Variants in HDGFL3 observed in about 807,000 individuals in gnomAD.
The protein encoded by HDGFL3 is hepatoma-derived growth factor-related protein 3.
In HDGFL3, 6 loss-of-function variants were observed where a neutral mutation model predicts 27.6. The observed-to-expected ratio is 0.22, with a 90% CI of 0.12 to 0.43. HDGFL3 has a LOEUF of 0.43. Among genes scored for constraint, HDGFL3 ranks in the 20% least tolerant of loss-of-function variants. The pLI is 1.00. For missense variants in HDGFL3, 207 were observed against 250.1 expected, an observed-to-expected ratio of 0.83 and a Z score of 1.16; for synonymous variants, 88 against 88.9, an observed-to-expected ratio of 0.99 and a Z score of 0.05.
chr15:83,134,779 G>A lies in HDGFL3; in HGVS notation c.*4491C>T, dbSNP rs946783420. 1 of 152,226 alleles carries A rather than the reference G, an allele frequency of 6.6e-6. No individual in the cohort carries two copies. The highest frequency in any genetic ancestry group is 2.4e-5 in the African/African-American group (1 of 41,456). The allele number at this position is 152,226 out of a possible 1,614,324, so 9.4% of individuals were successfully genotyped here. A position where few individuals can be genotyped will look rare whatever the true frequency, so the allele number is the denominator to read the frequency against. The stretch of plus-strand genomic sequence containing the variant: ...GATTTCTGAGAACCAGGGATCAAAT[G>A]TGGCTTCCAGTCCAGAGAAAATGCT... On this transcript the variant is annotated 3_prime_UTR_variant, in exon 6 of 6. Transcript: ENST00000299633.
intron 1 of HDGFL3, chr15:83,179,376 T>C (rs1021072344): frequency 5.3e-5 from 8 of 152,092 alleles, no homozygotes; most frequent in Non-Finnish European, 1.2e-4. Flanking sequence ...AAATAGGAGG[T>C]GATTAAAACA....
At chr15:83,119,672 T>C (rs768470623) in intron 3 of HDGFL3, 5 of 1,614,138 alleles carry the variant, frequency 3.1e-6, no homozygotes, top group Non-Finnish European at 3.4e-6. Context: ...GTGGCAGCCA[T>C]AGCATGGGAG....
At chr15:83,181,115 C>T (rs1392243932) in intron 1 of HDGFL3, 1 of 152,076 alleles carries the variant, frequency 6.6e-6, no homozygotes, top group African/African-American at 2.4e-5. Flanking sequence ...TTTTTTCACC[C>T]AATAAAACCC....
chr15:83,157,664 G>C (rs1394000279), intron 3 of HDGFL3, 91 bp from the exon 4 acceptor site: 1 of 1,268,484 alleles, frequency 7.9e-7, no homozygotes, highest in Non-Finnish European at 1.1e-6. Flanking sequence ...TCATTTGAAA[G>C]GGTTCCGCTT....
chr15:83,117,334 C>G (rs1406519185), intron 3 of HDGFL3, among the ~76,000 whole-genome samples: 1 of 152,048 alleles, frequency 6.6e-6, no homozygotes. Context: ...AGGTCTTGAG[C>G]TCTGAGGAGC....
intron 4 of HDGFL3, among the ~76,000 whole-genome samples, chr15:83,154,585 TA>T (rs2037005606): frequency 6.6e-6 from 1 of 152,136 alleles, no homozygotes; most frequent in Admixed American, 6.5e-5. Flanking sequence ...CAACCAAACC[TA>T]AAATGTCATG....
chr15:83,180,711 T>C (rs1456403333), intron 1 of HDGFL3: 1 of 147,820 alleles, frequency 6.8e-6, no homozygotes, highest in East Asian at 2.0e-4. Context: ...AGTGGCATGA[T>C]GTCGGCTCAC....
chr15:83,180,512 A>C (rs1467256640), intron 1 of HDGFL3, among the ~76,000 whole-genome samples: 3 of 152,178 alleles, frequency 2.0e-5, no homozygotes, highest in African/African-American at 7.2e-5. Flanking sequence ...GAAGTCTGCA[A>C]ATCAGTCAAC....
intron 1 of HDGFL3, among the ~76,000 whole-genome samples, chr15:83,201,532 C>T (rs912474538): frequency 2.0e-5 from 3 of 152,090 alleles, no homozygotes; most frequent in Admixed American, 2.0e-4. Flanking sequence ...TCGGGCTAGT[C>T]TCCTACTATA....
rs1026510336 is a variant in HDGFL3, at chr15:83,129,167, AT to A, written c.*10102del. Reference sequence around the variant, plus strand: ...TTTTACTCCAGTGATTCTCCAACCCATTTTTTTTTTCCAGCTCCGCTGCCCC... The same window carrying A: ...TTTTACTCCAGTGATTCTCCAACCCATTTTTTTTTCCAGCTCCGCTGCCCC... On this transcript the variant is annotated 3_prime_UTR_variant, in exon 6 of 6. Coordinates refer to ENST00000299633, the MANE Select transcript of HDGFL3 (RefSeq NM_016073.4). 7 of 147,420 alleles carry A rather than the reference AT, an allele frequency of 4.7e-5. No homozygotes were observed. Among genetic ancestry groups the A allele is most frequent in the South Asian group, 2.2e-4 (1 of 4,622 alleles). 9.1% of individuals were successfully genotyped at this position (147,420 alleles called of 1,614,324 possible). A position where few individuals can be genotyped will look rare whatever the true frequency, so the allele number is the denominator to read the frequency against.
chr15:83,200,101 T>C (rs1158942902), intron 1 of HDGFL3, among the ~76,000 whole-genome samples: 1 of 149,418 alleles, frequency 6.7e-6, no homozygotes, highest in Non-Finnish European at 1.5e-5. Context: ...CCCAGCACTT[T>C]GAGAGGCCGA....
intron 3 of HDGFL3, among the ~76,000 whole-genome samples, chr15:83,121,110 AC>A (rs1167396137): frequency 6.6e-6 from 1 of 151,636 alleles, no homozygotes; most frequent in Non-Finnish European, 1.5e-5. Flanking sequence ...TCGCTCTGTC[AC>A]CCAGGCTGGA....
chr15:83,179,020 T>C (rs2037348435), intron 1 of HDGFL3, among the ~76,000 whole-genome samples: 1 of 152,134 alleles, frequency 6.6e-6, no homozygotes, highest in African/African-American at 2.4e-5. Context: ...ACCCTCCTTA[T>C]CAAACAGAAC....
chr15:83,202,504 G>C (rs2037660177), intron 1 of HDGFL3, among the ~76,000 whole-genome samples: 1 of 151,928 alleles, frequency 6.6e-6, no homozygotes, highest in South Asian at 2.1e-4. Flanking sequence ...TCTATAATAA[G>C]TCAAAAGGGA....
chr15:83,207,573 G>C lies in HDGFL3; in HGVS notation c.-159C>G. 1 of 427,418 alleles carries C rather than the reference G, an allele frequency of 2.3e-6. No individual in the cohort carries two copies. Among genetic ancestry groups the C allele is most frequent in the Non-Finnish European group, 3.8e-6 (1 of 263,800 alleles). 26.5% of individuals were successfully genotyped at this position (427,418 alleles called of 1,614,324 possible). On this transcript the variant is annotated 5_prime_UTR_variant, in exon 1 of 6. Coordinates refer to ENST00000299633, the MANE Select transcript of HDGFL3 (RefSeq NM_016073.4). The surrounding 1 kb of genome is among the most constrained non-coding windows in gnomAD (Gnocchi z 4.8). ...GGGAAGCGGCGAGGCGGCGGCTGAG[G>C]CAAGGGGTGGGCGGGGGGCGCAGCA...
chr15:83,151,239 T>C lies in HDGFL3; in HGVS notation c.582A>G (p.Ser194=). ...CCCCTTCACTGGTTTTCTGCAAGTC[T>C]GAAGTTGTGTTTCTTGTGTCGTTGC... ...DAGNDTRNTT[S]DLQKTSEGT The change falls in exon 5 of 6, where the codon TCA becomes TCG. Residue 194 remains serine (S), a synonymous_variant. Coordinates refer to ENST00000299633, the MANE Select transcript of HDGFL3 (RefSeq NM_016073.4). 6.2e-7 allele frequency: 1 copy of C among 1,612,952 alleles called. No homozygotes were observed. Among genetic ancestry groups the C allele is most frequent in the Non-Finnish European group, 8.5e-7 (1 of 1,179,800 alleles).
intron 2 of HDGFL3, among the ~76,000 whole-genome samples, chr15:83,160,168 G>A (rs2037081358): frequency 6.6e-6 from 1 of 152,086 alleles, no homozygotes; most frequent in Non-Finnish European, 1.5e-5. Context: ...AGAAAGGGTA[G>A]AGGAGTTGAG....
chr15:83,137,247 A>G lies in HDGFL3; in HGVS notation c.*2023T>C, dbSNP rs2036666815. ...TTTGTGTGAATTTAAACAGCTAAATAGGGATCAGTAACTTTATCTCTATCC... is the reference window on the plus strand; with the variant it reads ...TTTGTGTGAATTTAAACAGCTAAATGGGGATCAGTAACTTTATCTCTATCC... On this transcript the variant is annotated 3_prime_UTR_variant, in exon 6 of 6. Coordinates refer to ENST00000299633, the MANE Select transcript of HDGFL3 (RefSeq NM_016073.4). The G allele has an allele frequency of 6.6e-6, 1 of 152,212 alleles. No individual in the cohort carries two copies. Among genetic ancestry groups the G allele is most frequent in the Non-Finnish European group, 1.5e-5 (1 of 68,004 alleles). The allele number at this position is 152,212 out of a possible 1,614,324, so 9.4% of individuals were successfully genotyped here.
intron 1 of HDGFL3, among the ~76,000 whole-genome samples, chr15:83,174,362 A>C (rs7165114): frequency 0.25 from 38,184 of 151,990 alleles, 5,151 homozygotes; most frequent in African/African-American, 0.35. Flanking sequence ...AAATTTAGTT[A>C]TCTAAATCAA....
Sources: gnomAD v4.1 joint callset for allele counts (sites outside exome capture counted in the v4.1 genomes callset) on GRCh38, gnomAD v4.1.1 for gene constraint, Gnocchi (gnomAD v3.1) non-coding constraint, MANE v1.5 for transcripts, NCBI Gene and HGNC (gene_info 2026-07-23, HGNC 2026-07-21) for gene names.